The following MAP4K3 variants were observed in gnomAD, a reference collection of about 807,000 sequenced individuals.
The protein encoded by MAP4K3 is mitogen-activated protein kinase kinase kinase kinase 3.
A neutral mutation model predicts 143.5 loss-of-function variants in MAP4K3; 94 were observed. The observed-to-expected ratio is 0.65, with a 90% CI of 0.55 to 0.78. MAP4K3 has a LOEUF of 0.78. Ranked by LOEUF, MAP4K3 falls within the 30% of genes least tolerant of loss-of-function variation. The probability of loss-of-function intolerance (pLI) is 0.00; values close to 1 mark genes in which losing one functional copy is unlikely to be tolerated. For synonymous variants in MAP4K3, 416 were observed against 347.2 expected, an observed-to-expected ratio of 1.20 and a Z score of -2.20; for missense variants, 1,077 against 1,068.1, an observed-to-expected ratio of 1.01 and a Z score of -0.12.
rs1680268555 is a variant in MAP4K3, at chr2:39,254,455, T to G, written c.2536A>C (p.Asn846His). 1 of 1,613,406 alleles carries G rather than the reference T, an allele frequency of 6.2e-7. No homozygotes were observed. Among genetic ancestry groups the G allele is most frequent in the Non-Finnish European group, 8.5e-7 (1 of 1,179,558 alleles). The change falls in exon 32 of 34, where the codon AAT becomes CAT. Residue 846 changes from asparagine (N) to histidine (H), a missense_variant. Around this residue, in one of 2 missense-constraint regions of MAP4K3, gnomAD observed 864 missense variants for 801.2 expected, o/e 1.08. Coordinates refer to ENST00000263881, the MANE Select transcript of MAP4K3 (RefSeq NM_003618.4). ...AATGGACATAATTTACTTACCTCAT[T>G]AGATCTAAAACTTCTACCTTGCATT... Reference protein sequence around the residue: ...HGMQGRSFRSNEVTQEISDST... With the variant: ...HGMQGRSFRSHEVTQEISDST...
chr2:39,337,628 T>C (rs374404609), intron 4 of MAP4K3, 47 bp from the exon 5 acceptor site: 2 of 1,257,400 alleles, frequency 1.6e-6, no homozygotes, highest in Admixed American at 1.7e-5. Context: ...CAACGCATGT[T>C]TTTCAATATA....
At chr2:39,436,364 CAG>C (rs990465800) in intron 1 of MAP4K3, among the ~76,000 whole-genome samples, 5 of 150,578 alleles carry the variant, frequency 3.3e-5, no homozygotes, top group East Asian at 1.9e-4. Context: ...AAGAAACTGA[CAG>C]GGGGATGAAT....
rs570853243 is a variant in MAP4K3, at chr2:39,337,752, G to GTTTTTTTTTTTTTTTTTTTT, written c.311-191_311-172dup. On this transcript the variant is annotated intron_variant, in intron 4 of 33. Coordinates refer to ENST00000263881, the MANE Select transcript of MAP4K3 (RefSeq NM_003618.4). Reference sequence around the variant, plus strand: ...TACTGTCCTACTGTGCCTGGCTCCAGTTTTTTTTTTTTTTTTTTTTTTTTT... The same window carrying GTTTTTTTTTTTTTTTTTTTT: ...TACTGTCCTACTGTGCCTGGCTCCAGTTTTTTTTTTTTTTTTTTTTTTTTTTTTTTTTTTTTTTTTTTTTT... 5.7e-5 allele frequency among the ~76,000 whole-genome samples: 4 copies of GTTTTTTTTTTTTTTTTTTTT among 70,518 alleles called. 1 individual carries two copies. The highest frequency in any genetic ancestry group is 2.4e-4 in the African/African-American group (4 of 16,482). 46.3% of individuals were successfully genotyped at this position (70,518 alleles called of 152,430 possible). A position where few individuals can be genotyped will look rare whatever the true frequency, so the allele number is the denominator to read the frequency against.
chr2:39,272,177 CATG>C (rs1395569675), intron 26 of MAP4K3, 103 bp downstream of exon 26: 3 of 807,306 alleles, frequency 3.7e-6, no homozygotes, highest in African/African-American at 1.7e-5. Context: ...ATTTTTTCAT[CATG>C]ATTTTTATTA....
At chr2:39,399,231 T>C (rs58725643) in intron 1 of MAP4K3, among the ~76,000 whole-genome samples, 59 of 152,260 alleles carry the variant, frequency 3.9e-4, no homozygotes, top group African/African-American at 1.3e-3. Context: ...GCTATAGTTG[T>C]AATTTATATG....
chr2:39,380,238 G>C (rs188474138), intron 1 of MAP4K3, among the ~76,000 whole-genome samples: 49 of 152,190 alleles, frequency 3.2e-4, no homozygotes, highest in Admixed American at 1.3e-3. Flanking sequence ...GGGGAAAACA[G>C]ACAATTGAAA....
At position 39,378,061 on chromosome 2, in the gene MAP4K3, T is replaced by A. The variant is rs767626233; in HGVS notation, c.154+5A>T. 1.3e-6 allele frequency: 2 copies of A among 1,554,454 alleles called. No homozygotes were observed. The highest frequency in any genetic ancestry group is 2.7e-5 in the African/African-American group (2 of 73,210). On this transcript the variant is annotated splice_donor_5th_base_variant and intron_variant, in intron 2 of 33. Transcript: ENST00000263881. Reference sequence around the variant, plus strand: ...GTAAGAAAAAATGAATTTCAAACAATTTACCTGGTTCCAATTTTATTACTT... The same window carrying A: ...GTAAGAAAAAATGAATTTCAAACAAATTACCTGGTTCCAATTTTATTACTT...
intron 3 of MAP4K3, among the ~76,000 whole-genome samples, chr2:39,345,947 A>G (rs930777936): frequency 6.6e-6 from 1 of 151,324 alleles, no homozygotes; most frequent in African/African-American, 2.4e-5. Context: ...AAAAAAAAAA[A>G]AGAGTGAAGC....
At chr2:39,334,268 A>T (rs1304033381) in intron 6 of MAP4K3, among the ~76,000 whole-genome samples, 1 of 152,130 alleles carries the variant, frequency 6.6e-6, no homozygotes, top group Non-Finnish European at 1.5e-5. Context: ...AATAAGCTCA[A>T]AGCTTTTGGA....
chr2:39,286,604 C>G (rs1418363051), intron 21 of MAP4K3, among the ~76,000 whole-genome samples: 1 of 152,086 alleles, frequency 6.6e-6, no homozygotes. Flanking sequence ...TGTTTTATAA[C>G]GTACTACATA....
At chr2:39,409,939 C>T (rs1377600529) in intron 1 of MAP4K3, among the ~76,000 whole-genome samples, 1 of 152,108 alleles carries the variant, frequency 6.6e-6, no homozygotes, top group Non-Finnish European at 1.5e-5. Context: ...AGTGCTAATT[C>T]CAATGATGGA....
intron 1 of MAP4K3, among the ~76,000 whole-genome samples, chr2:39,405,386 G>A (rs953806527): frequency 1.3e-5 from 2 of 152,194 alleles, no homozygotes; most frequent in Admixed American, 1.3e-4. Flanking sequence ...CTTTACTGCA[G>A]GTATGGCTTA....
intron 13 of MAP4K3, 21 bp from the exon 14 acceptor site, chr2:39,309,540 A>G: frequency 7.5e-7 from 1 of 1,328,552 alleles, no homozygotes; most frequent in East Asian, 2.3e-5. Flanking sequence ...AAAAAAAGTA[A>G]AACCAGGATT....
intron 2 of MAP4K3, among the ~76,000 whole-genome samples, chr2:39,363,649 A>G (rs1467986565): frequency 2.1e-5 from 3 of 143,540 alleles, no homozygotes; most frequent in Non-Finnish European, 3.0e-5. Flanking sequence ...AGCTTGGGCA[A>G]TAGAGTGAGA....
At position 39,287,338 on chromosome 2, in the gene MAP4K3, G is replaced by A. The variant is rs1441979000; in HGVS notation, c.1475-374C>T. On this transcript the variant is annotated intron_variant, in intron 20 of 33. Coordinates refer to ENST00000263881, the MANE Select transcript of MAP4K3 (RefSeq NM_003618.4). ...GAAGGAGTTTTGCTCTTATCACCCA[G>A]GCTAGAGTGCAATGGCGTGATCTTG... Among the ~76,000 whole-genome samples, 3 of 150,016 alleles carry A rather than the reference G, an allele frequency of 2.0e-5. No homozygotes were observed. In the East Asian group the frequency reaches 5.8e-4, roughly 29 times the overall value.
chr2:39,368,390 G>A (rs1665984670), intron 2 of MAP4K3, among the ~76,000 whole-genome samples: 1 of 152,104 alleles, frequency 6.6e-6, no homozygotes, highest in Non-Finnish European at 1.5e-5. Flanking sequence ...GTTTTAGCTG[G>A]ACACAGTGGC....
chr2:39,288,323 T>C (rs1681887404), intron 19 of MAP4K3, 43 bp from the exon 20 acceptor site: 9 of 1,571,242 alleles, frequency 5.7e-6, no homozygotes, highest in Non-Finnish European at 7.9e-6. Flanking sequence ...AAACATCAAA[T>C]TATTTTCCTG....
At chr2:39,296,659 T>C (rs1256980109) in intron 16 of MAP4K3, among the ~76,000 whole-genome samples, 1 of 152,184 alleles carries the variant, frequency 6.6e-6, no homozygotes, top group Non-Finnish European at 1.5e-5. Flanking sequence ...CTGCCCCCAA[T>C]CTGTAAGTAC....
In MAP4K3 at chr2:39,329,650, A is replaced by T. The variant is rs565488836; in HGVS notation, c.530+2267T>A. Among the ~76,000 whole-genome samples the T allele has an allele frequency of 2.0e-5, 3 of 152,266 alleles. No homozygotes were observed. In the East Asian group the frequency reaches 5.8e-4, roughly 29 times the overall value. ...AAGCCCCAGCAACTATTGCCCCCCA[A>T]TTCCCACTGGATAAGGACCAAGACG... On this transcript the variant is annotated intron_variant, in intron 8 of 33. Transcript: ENST00000263881.
Sources: allele counts gnomAD v4.1 joint callset (sites outside exome capture counted in the v4.1 genomes callset), GRCh38; gene constraint gnomAD v4.1.1; regional missense constraint gnomAD v4.1.1; transcripts MANE v1.5; gene names NCBI Gene and HGNC (gene_info 2026-07-23, HGNC 2026-07-21).